Variants in PDE3A observed in about 807,000 individuals in gnomAD.
PDE3A encodes the protein phosphodiesterase 3A.
Under a neutral mutation model 98.3 loss-of-function variants are expected in PDE3A, and 43 were observed. The ratio of observed to expected loss-of-function variants is 0.44; its 90% CI spans 0.34 to 0.56. The LOEUF is 0.56. Ranked by LOEUF, PDE3A falls within the 20% of genes least tolerant of loss-of-function variation. The pLI is 0.01. For synonymous variants in PDE3A, 663 were observed against 567.9 expected (o/e 1.17, Z -2.38); for missense variants, 1,427 against 1,440.7 (o/e 0.99, Z 0.15).
intron 1 of PDE3A, among the ~76,000 whole-genome samples, chr12:20,429,859 A>AT (rs112563278): frequency 0.023 from 3,472 of 149,750 alleles, 76 homozygotes; most frequent in African/African-American, 0.065. Flanking sequence ...TTAGACACTG[A>AT]TTTTTTTTTT....
chr12:20,506,956 A>G (rs1052677199), intron 1 of PDE3A, among the ~76,000 whole-genome samples: 9 of 152,246 alleles, frequency 5.9e-5, no homozygotes, highest in East Asian at 5.8e-4. Context: ...AAATAAAACC[A>G]TAAAATATTT....
chr12:20,386,461 C>T (rs1019989406), intron 1 of PDE3A, among the ~76,000 whole-genome samples: 2 of 150,512 alleles, frequency 1.3e-5, no homozygotes, highest in African/African-American at 4.9e-5. Flanking sequence ...TGGCCTTTGT[C>T]CACTTTTTAA....
rs1946043837 is a variant in PDE3A at position 20,688,499 on chromosome 12, CAAAA to C, written c.*8229_*8232del. Among the ~76,000 whole-genome samples the C allele has an allele frequency of 6.6e-6, 1 of 151,328 alleles. No individual in the cohort carries two copies. Among genetic ancestry groups the C allele is most frequent in the African/African-American group, 2.4e-5 (1 of 41,238 alleles). On this transcript the variant is annotated 3_prime_UTR_variant, in exon 16 of 16. Coordinates refer to ENST00000359062, the MANE Select transcript of PDE3A (RefSeq NM_000921.5). ...ATAAATATTACAGTAAATATATACT[CAAAA>C]TTATTAAAATTATGTCCTAGATTAT...
chr12:20,522,641 G>A (rs1946450668), intron 1 of PDE3A, among the ~76,000 whole-genome samples: 1 of 152,060 alleles, frequency 6.6e-6, no homozygotes, highest in Non-Finnish European at 1.5e-5. Flanking sequence ...AGTGAGTTGA[G>A]GCACGGTTGG....
Position 20,445,403 on chromosome 12 carries a change from T to A in PDE3A, c.960+75159T>A, listed in dbSNP as rs373373137. On this transcript the variant is annotated intron_variant, in intron 1 of 15. Transcript: ENST00000359062. ...CCCTTTTTGGAGTTAAGTAGCATAA[T>A]TAACTGTAAGGCTTTTCCAAATACT... 6.5e-4 allele frequency among the ~76,000 whole-genome samples: 99 copies of A among 152,326 alleles called. 2 individuals carry two copies. The East Asian group carries it at 0.016, about 25-fold the overall frequency.
chr12:20,477,425 A>G (rs1019539778), intron 1 of PDE3A, among the ~76,000 whole-genome samples: 2 of 152,308 alleles, frequency 1.3e-5, no homozygotes, highest in East Asian at 1.9e-4. Context: ...AAGGGGCTCT[A>G]GCTTTCCAGT....
chr12:20,537,736 T>A (rs1484519688), intron 1 of PDE3A, among the ~76,000 whole-genome samples: 1 of 152,088 alleles, frequency 6.6e-6, no homozygotes, highest in East Asian at 1.9e-4. Context: ...TTAATCTTTT[T>A]CCCTGAAACA....
At chr12:20,676,587 C>T (rs1185685870) in intron 15 of PDE3A, among the ~76,000 whole-genome samples, 1 of 150,750 alleles carries the variant, frequency 6.6e-6, no homozygotes, top group African/African-American at 2.4e-5. Flanking sequence ...GCAAGCTCCG[C>T]CTCCTGGGTT....
At position 20,479,899 on chromosome 12, in the gene PDE3A, G is replaced by A. The variant is rs537371354; in HGVS notation, c.961-76761G>A. ...CAAAGCAATTGGAAGGTATACAAAA[G>A]AGCAAAATTGAGAAGCTGGGTGATC... is the stretch of plus-strand genomic sequence containing the variant. On this transcript the variant is annotated intron_variant, in intron 1 of 15. Transcript: ENST00000359062. Among the ~76,000 whole-genome samples the A allele has an allele frequency of 3.2e-4, 48 of 152,292 alleles. No individual in the cohort carries two copies. In the South Asian group the frequency reaches 6.2e-3, roughly 20 times the overall value.
At chr12:20,657,996 C>T (rs112236203) in intron 15 of PDE3A, among the ~76,000 whole-genome samples, 4,505 of 152,282 alleles carry the variant, frequency 0.03, 86 homozygotes, top group Non-Finnish European at 0.043. Context: ...TCCTCTGTAA[C>T]TCTCTTGATT....
intron 1 of PDE3A, among the ~76,000 whole-genome samples, chr12:20,479,594 G>A (rs542735982): frequency 1.3e-5 from 2 of 152,260 alleles, no homozygotes; most frequent in South Asian, 4.1e-4. Context: ...AGAATGTTTT[G>A]GTTGTTCATC....
intron 10 of PDE3A, among the ~76,000 whole-genome samples, chr12:20,643,397 G>T (rs559131956): frequency 3.7e-4 from 57 of 152,198 alleles, no homozygotes; most frequent in African/African-American, 1.3e-3. Context: ...CTCCTGGGTT[G>T]GGTTACCAGA....
In PDE3A at chr12:20,628,007, T is replaced by C. The variant is rs1197294498; in HGVS notation, c.1541-1901T>C. Among the ~76,000 whole-genome samples, 3 of 152,308 alleles carry C rather than the reference T, an allele frequency of 2.0e-5. No individual in the cohort carries two copies. The East Asian group carries it at 5.8e-4, about 29-fold the overall frequency. ...CATCAGAGCACCCATATATGTGTAATAGTATTTGTGAATATCGTAGCATTA... is the reference window on the plus strand; with the variant it reads ...CATCAGAGCACCCATATATGTGTAACAGTATTTGTGAATATCGTAGCATTA... On this transcript the variant is annotated intron_variant, in intron 5 of 15. Coordinates refer to ENST00000359062, the MANE Select transcript of PDE3A (RefSeq NM_000921.5).
intron 1 of PDE3A, among the ~76,000 whole-genome samples, chr12:20,534,437 G>A (rs1358890275): frequency 6.6e-6 from 1 of 152,108 alleles, no homozygotes; most frequent in Non-Finnish European, 1.5e-5. Context: ...TACCTCTAAT[G>A]GGTCACAGTG....
intron 3 of PDE3A, among the ~76,000 whole-genome samples, chr12:20,615,016 C>CTTTT (rs11313010): frequency 9.0e-4 from 53 of 59,130 alleles, no homozygotes; most frequent in African/African-American, 3.2e-3. Flanking sequence ...TTCTCTCTTT[C>CTTTT]TTTTTTTTTT....
intron 2 of PDE3A, among the ~76,000 whole-genome samples, chr12:20,594,863 T>TAA (rs1292925514): frequency 6.6e-6 from 1 of 152,006 alleles, no homozygotes; most frequent in Admixed American, 6.6e-5. Flanking sequence ...CTGAATATAA[T>TAA]AAGATTATAA....
At chr12:20,407,963 A>G (rs11045223) in intron 1 of PDE3A, among the ~76,000 whole-genome samples, 7,100 of 152,070 alleles carry the variant, frequency 0.047, 491 homozygotes, top group African/African-American at 0.15. Flanking sequence ...TCTGTCCCCC[A>G]GGCTGTAGTG....
At chr12:20,601,279 C>T (rs1392467797) in intron 2 of PDE3A, among the ~76,000 whole-genome samples, 3 of 152,134 alleles carry the variant, frequency 2.0e-5, no homozygotes, top group Admixed American at 6.6e-5. Context: ...GGCTTGCTTT[C>T]GTTTCTGCTG....
intron 1 of PDE3A, among the ~76,000 whole-genome samples, chr12:20,422,353 A>G (rs1022075442): frequency 6.6e-6 from 1 of 152,132 alleles, no homozygotes; most frequent in Non-Finnish European, 1.5e-5. Context: ...CAAAAAAAAA[A>G]AAATTTAGGG....
Sources: allele counts gnomAD v4.1 joint callset (sites outside exome capture counted in the v4.1 genomes callset), GRCh38; gene constraint gnomAD v4.1.1; transcripts MANE v1.5; gene names NCBI Gene and HGNC (gene_info 2026-07-23, HGNC 2026-07-21).